The following ZNF695 variants were observed in gnomAD, a reference collection of about 807,000 sequenced individuals.
The protein encoded by ZNF695 is zinc finger protein SBZF3.
A neutral mutation model predicts 11.2 loss-of-function variants in ZNF695; 11 were observed. The ratio of observed to expected loss-of-function variants is 0.98; its 90% CI spans 0.62 to 1.62. ZNF695 has a LOEUF of 1.62. Among genes scored for constraint, ZNF695 ranks in the 40% most tolerant of loss-of-function variants. ZNF695 has a pLI of 0.00. For missense variants in ZNF695, 559 were observed against 590.5 expected, an observed-to-expected ratio of 0.95 and a Z score of 0.55; for synonymous variants, 190 against 201.4, an observed-to-expected ratio of 0.94 and a Z score of 0.48.
chr1:247,000,080 A>G lies in ZNF695; in HGVS notation c.4-6T>C, dbSNP rs576822073. Reference sequence around the variant, plus strand: ...TCCCTGAATGCCAATAGTCCCTGAAAAAGAAAACATATTTACCAAGTGGTC... The same window carrying G: ...TCCCTGAATGCCAATAGTCCCTGAAGAAGAAAACATATTTACCAAGTGGTC... On this transcript the variant is annotated splice_region_variant and splice_polypyrimidine_tract_variant and intron_variant, in intron 1 of 3. Coordinates refer to ENST00000339986, the MANE Select transcript of ZNF695 (RefSeq NM_020394.5). The G allele has an allele frequency of 9.4e-6, 15 of 1,597,952 alleles. No homozygotes were observed. The highest frequency in any genetic ancestry group is 1.3e-5 in the Non-Finnish European group (15 of 1,174,718).
At chr1:247,004,032 G>A (rs1669466070) in intron 1 of ZNF695, among the ~76,000 whole-genome samples, 1 of 152,192 alleles carries the variant, frequency 6.6e-6, no homozygotes, top group Admixed American at 6.5e-5. Flanking sequence ...GGCCAACATG[G>A]TGAAACCCTG....
chr1:246,953,982 G>T (rs2103000122), intron 5 of ZNF695, among the ~76,000 whole-genome samples: 1 of 147,658 alleles, frequency 6.8e-6, no homozygotes, highest in African/African-American at 2.5e-5. Context: ...AAACAAAGAA[G>T]CCTAAAAACT....
chr1:246,994,338 C>T (rs993183637), intron 3 of ZNF695, among the ~76,000 whole-genome samples: 4 of 151,320 alleles, frequency 2.6e-5, no homozygotes, highest in East Asian at 2.0e-4. Flanking sequence ...GTCAGGAGTT[C>T]GAGACCAGCC....
At chr1:246,996,407 A>AAAAACAAAAC (rs59864871) in intron 3 of ZNF695, among the ~76,000 whole-genome samples, 4 of 152,318 alleles carry the variant, frequency 2.6e-5, no homozygotes, top group Non-Finnish European at 4.4e-5. Flanking sequence ...AGATGTCTCA[A>AAAAACAAAAC]AAAACAAAAC....
At chr1:246,967,050 T>C (rs1437734944) in intron 5 of ZNF695, among the ~76,000 whole-genome samples, 3 of 152,222 alleles carry the variant, frequency 2.0e-5, no homozygotes, top group Non-Finnish European at 4.4e-5. Context: ...GGAATTCTCC[T>C]GCCTCAGCCT....
Position 246,986,243 on chromosome 1 carries a change from C to G in ZNF695, c.*724G>C, listed in dbSNP as rs1285841869. On this transcript the variant is annotated 3_prime_UTR_variant, in exon 4 of 4. Coordinates refer to ENST00000339986, the MANE Select transcript of ZNF695 (RefSeq NM_020394.5). ...GCCACCAAGCCTGGCTTTTATTTTA[C>G]TTTTTGTAGAGATGAGGTTTTGCCA... is the stretch of plus-strand genomic sequence containing the variant. The G allele has an allele frequency of 1.7e-6, 1 of 574,184 alleles. No homozygotes were observed. The highest frequency in any genetic ancestry group is 2.2e-6 in the Non-Finnish European group (1 of 454,480). The allele number at this position is 574,184 out of a possible 1,614,324, so 35.6% of individuals were successfully genotyped here. A position where few individuals can be genotyped will look rare whatever the true frequency, so the allele number is the denominator to read the frequency against.
At chr1:246,946,474 A>G (rs966034918) in intron 5 of ZNF695, among the ~76,000 whole-genome samples, 1 of 152,170 alleles carries the variant, frequency 6.6e-6, no homozygotes, top group Non-Finnish European at 1.5e-5. Context: ...ATTTCCTGGC[A>G]TTTTATGTAG....
At chr1:246,945,580 T>C (rs768591835), downstream of ZNF695, 210 of 558,790 alleles carry the variant, frequency 3.8e-4, 2 homozygotes, top group Non-Finnish European at 3.8e-4. Flanking sequence ...TTCATGGAGT[T>C]AGGACAACCA....
chr1:246,951,478 C>T, intron 5 of ZNF695, among the ~76,000 whole-genome samples: 1 of 152,206 alleles, frequency 6.6e-6, no homozygotes. Flanking sequence ...TCCCTAGAGG[C>T]CTTGGCAGAA....
At chr1:246,974,060 T>C (rs970437957) in intron 4 of ZNF695, among the ~76,000 whole-genome samples, 2 of 151,848 alleles carry the variant, frequency 1.3e-5, no homozygotes, top group African/African-American at 4.8e-5. Context: ...CATAAGCAGA[T>C]GTGCTGATAA....
chr1:246,956,473 G>A (rs1295467042), intron 5 of ZNF695, among the ~76,000 whole-genome samples: 5 of 151,382 alleles, frequency 3.3e-5, no homozygotes, highest in South Asian at 2.1e-4. Context: ...AAAATTAGCC[G>A]GGCCTGGTGG....
At chr1:246,970,192 C>T (rs1668389825) in intron 4 of ZNF695, among the ~76,000 whole-genome samples, 1 of 152,194 alleles carries the variant, frequency 6.6e-6, no homozygotes, top group Admixed American at 6.5e-5. Context: ...TCTGTTCCGA[C>T]AGTGAAAGAG....
chr1:246,963,544 T>C (rs1311362506), intron 5 of ZNF695, among the ~76,000 whole-genome samples: 1 of 152,204 alleles, frequency 6.6e-6, no homozygotes, highest in Non-Finnish European at 1.5e-5. Flanking sequence ...AAGTAAATTC[T>C]ACGCTAGATG....
chr1:246,983,956 G>C (rs958829629), downstream of ZNF695, among the ~76,000 whole-genome samples: 1 of 151,934 alleles, frequency 6.6e-6, no homozygotes, highest in Non-Finnish European at 1.5e-5. Flanking sequence ...AGGAGTTCAA[G>C]ACAAGCCTGG....
intron 5 of ZNF695, among the ~76,000 whole-genome samples, chr1:246,953,133 C>T (rs919585311): frequency 2.6e-5 from 4 of 152,212 alleles, no homozygotes; most frequent in Non-Finnish European, 4.4e-5. Context: ...TCTTGTCATA[C>T]GCTCAACTTC....
At chr1:246,988,304 T>C in intron 3 of ZNF695, 49 bp from the exon 4 acceptor site, 3 of 1,385,006 alleles carry the variant, frequency 2.2e-6, no homozygotes, top group Non-Finnish European at 2.9e-6. Context: ...GATAGCATCC[T>C]TTACAAATCT....
At chr1:246,988,799 T>A (rs1668933244) in intron 3 of ZNF695, among the ~76,000 whole-genome samples, 1 of 152,026 alleles carries the variant, frequency 6.6e-6, no homozygotes, top group Admixed American at 6.6e-5. Flanking sequence ...CTACTAAAAA[T>A]ATGACATTAG....
rs368586032 is a variant in ZNF695, at chr1:246,965,952, T to TTA, written c.488+1741_488+1742dup. Among the ~76,000 whole-genome samples the TTA allele has an allele frequency of 7.5e-4, 113 of 150,652 alleles. 1 individual carries two copies. The Middle Eastern group carries it at 0.028, about 37-fold the overall frequency. Reference sequence around the variant, plus strand: ...AGAAAATTAAAAATATATATATATTTTATATATATATCTTTTTATAAATCA... The same window carrying TTA: ...AGAAAATTAAAAATATATATATATTTTATATATATATATCTTTTTATAAATCA... On this transcript the variant is annotated intron_variant, in intron 5 of 5. Coordinates refer to the ZNF695 transcript ENST00000487338.
chr1:246,945,722 C>T, exon 6 of ZNF695: 1 of 1,497,320 alleles, frequency 6.7e-7, no homozygotes, highest in Admixed American at 2.0e-5. Flanking sequence ...GCAGCTGGAC[C>T]CGGTGTAAAT....
Sources: allele counts gnomAD v4.1 joint callset (sites outside exome capture counted in the v4.1 genomes callset), GRCh38; gene constraint gnomAD v4.1.1; transcripts MANE v1.5; gene names NCBI Gene and HGNC (gene_info 2026-07-23, HGNC 2026-07-21).